Variants in PDE1C observed in about 807,000 individuals in gnomAD.
The protein encoded by PDE1C is dual specificity calcium/calmodulin-dependent 3',5'-cyclic nucleotide phosphodiesterase 1C.
PDE1C carries 62 observed loss-of-function variants against 93.1 expected under a neutral mutation model. The observed-to-expected ratio is 0.67, with a 90% CI of 0.54 to 0.82. The LOEUF (loss-of-function observed/expected upper bound fraction) is 0.82, where lower values mean the gene tolerates loss of function less well. Ranked by LOEUF, PDE1C falls within the 40% of genes least tolerant of loss-of-function variation. The probability of loss-of-function intolerance (pLI) is 0.00; values close to 1 mark genes in which losing one functional copy is unlikely to be tolerated. For synonymous variants in PDE1C, 325 were observed against 310.1 expected (o/e 1.05, Z -0.50); for missense variants, 742 against 884.6 (o/e 0.84, Z 2.04).
intron 1 of PDE1C, among the ~76,000 whole-genome samples, chr7:32,289,830 A>C (rs550337818): frequency 4.1e-4 from 63 of 152,290 alleles, no homozygotes; most frequent in African/African-American, 1.5e-3. Flanking sequence ...GTGGAATCGC[A>C]CCTGAGCCAC....
chr7:31,684,568 A>G, the PDE1C span, among the ~76,000 whole-genome samples: 2 of 152,200 alleles, frequency 1.3e-5, no homozygotes, highest in Non-Finnish European at 2.9e-5. Flanking sequence ...TCAAAACTCA[A>G]CAGTAATATA....
the PDE1C span, among the ~76,000 whole-genome samples, chr7:31,710,588 T>C: frequency 2.0e-5 from 3 of 152,294 alleles, no homozygotes; most frequent in African/African-American, 7.2e-5. Context: ...TCCCATGTGG[T>C]TGTGAAAATA....
intron 2 of PDE1C, among the ~76,000 whole-genome samples, chr7:31,959,972 G>A (rs141088808): frequency 6.1e-4 from 93 of 151,536 alleles, no homozygotes; most frequent in African/African-American, 2.0e-3. Context: ...TTCAAGCAAT[G>A]CTCCTGCCTC....
At chr7:31,863,414 T>C (rs1301974301) in intron 7 of PDE1C, among the ~76,000 whole-genome samples, 2 of 152,196 alleles carry the variant, frequency 1.3e-5, no homozygotes, top group African/African-American at 2.4e-5. Flanking sequence ...TACTGCATTC[T>C]TGAGGCTGAG....
intron 1 of PDE1C, among the ~76,000 whole-genome samples, chr7:32,269,322 A>G (rs180694192): frequency 2.8e-4 from 43 of 152,322 alleles, no homozygotes; most frequent in African/African-American, 8.4e-4. Context: ...CACATTTATG[A>G]GTAGCAAAAC....
chr7:32,237,505 C>CAT (rs1483452130), intron 1 of PDE1C, among the ~76,000 whole-genome samples: 3 of 151,686 alleles, frequency 2.0e-5, no homozygotes, highest in African/African-American at 7.3e-5. Context: ...TGGTGGTACA[C>CAT]ATATGAATTT....
intron 2 of PDE1C, among the ~76,000 whole-genome samples, chr7:32,205,332 C>CCAATAA (rs1805352690): frequency 6.6e-6 from 1 of 152,208 alleles, no homozygotes; most frequent in African/African-American, 2.4e-5. Context: ...TAAGCTCTAG[C>CCAATAA]ATTGAGGTGA....
chr7:31,782,095 A>C (rs1336440672), intron 16 of PDE1C, among the ~76,000 whole-genome samples: 1 of 152,230 alleles, frequency 6.6e-6, no homozygotes, highest in African/African-American at 2.4e-5. Context: ...AACTGCAAAA[A>C]ATAAAATAAA....
At chr7:32,065,820 C>T (rs1222003894) in intron 1 of PDE1C, among the ~76,000 whole-genome samples, 4 of 152,218 alleles carry the variant, frequency 2.6e-5, no homozygotes, top group Non-Finnish European at 5.9e-5. Flanking sequence ...CTTAACTTCT[C>T]TGTACATCAA....
intron 1 of PDE1C, among the ~76,000 whole-genome samples, chr7:32,245,546 A>G (rs1349073181): frequency 2.0e-5 from 3 of 152,244 alleles, no homozygotes; most frequent in African/African-American, 7.2e-5. Flanking sequence ...TCTGCTCTCC[A>G]GAGAAGACCT....
chr7:31,652,252 C>T, the PDE1C span, among the ~76,000 whole-genome samples: 1 of 152,156 alleles, frequency 6.6e-6, no homozygotes, highest in Non-Finnish European at 1.5e-5. Flanking sequence ...ATTCAGTTCA[C>T]CTGTCATACC....
At chr7:32,083,608 C>T (rs1410560844) in intron 3 of PDE1C, among the ~76,000 whole-genome samples, 3 of 152,280 alleles carry the variant, frequency 2.0e-5, no homozygotes, top group Non-Finnish European at 1.5e-5. Flanking sequence ...AGAGAAAGGT[C>T]GGATTACCCA....
chr7:31,968,723 C>T (rs1584253045), intron 2 of PDE1C, among the ~76,000 whole-genome samples: 1 of 152,160 alleles, frequency 6.6e-6, no homozygotes, highest in Non-Finnish European at 1.5e-5. Context: ...TACAAGGCTA[C>T]AGTAACCAAA....
chr7:32,206,451 A>G (rs73689079), intron 2 of PDE1C, among the ~76,000 whole-genome samples: 5,741 of 152,192 alleles, frequency 0.038, 373 homozygotes, highest in African/African-American at 0.13. Context: ...AGGGCCTGGC[A>G]CTGGAGGGCA....
chr7:32,106,396 C>G (rs1437411147), intron 3 of PDE1C, among the ~76,000 whole-genome samples: 2 of 151,468 alleles, frequency 1.3e-5, no homozygotes, highest in African/African-American at 4.9e-5. Context: ...TCAGGAAACG[C>G]CAGACATCTG....
At chr7:31,802,066 C>T (rs1050733265) in intron 16 of PDE1C, among the ~76,000 whole-genome samples, 9 of 151,330 alleles carry the variant, frequency 5.9e-5, no homozygotes, top group African/African-American at 1.7e-4. Flanking sequence ...TTATATTTAA[C>T]GTGATAACTG....
intron 3 of PDE1C, among the ~76,000 whole-genome samples, chr7:32,165,002 C>T (rs534721134): frequency 1.3e-5 from 2 of 152,312 alleles, no homozygotes; most frequent in African/African-American, 2.4e-5. Flanking sequence ...AAGGTGAGTT[C>T]CCAGGAGTGT....
At chr7:31,628,139 G>C in the PDE1C span, among the ~76,000 whole-genome samples, 1 of 152,192 alleles carries the variant, frequency 6.6e-6, no homozygotes, top group Non-Finnish European at 1.5e-5. Context: ...TCACAATAAA[G>C]GACGGCAGCC....
At chr7:32,281,960 T>C (rs1304230177) in intron 1 of PDE1C, among the ~76,000 whole-genome samples, 3 of 151,972 alleles carry the variant, frequency 2.0e-5, no homozygotes, top group Non-Finnish European at 4.4e-5. Flanking sequence ...AGTTGAACAA[T>C]GAGAACACTT....
Sources: allele counts gnomAD v4.1 joint callset (sites outside exome capture counted in the v4.1 genomes callset), GRCh38; gene constraint gnomAD v4.1.1; transcripts MANE v1.5; gene names NCBI Gene and HGNC (gene_info 2026-07-23, HGNC 2026-07-21).